The following CPED1 variants were observed in gnomAD, a reference collection of about 807,000 sequenced individuals.
CPED1 encodes cadherin-like and PC-esterase domain-containing protein 1.
Under a neutral mutation model 128.2 loss-of-function variants are expected in CPED1, and 114 were observed. The observed-to-expected ratio is 0.89, with a 90% CI of 0.76 to 1.04. CPED1 has a LOEUF of 1.04. CPED1 is among the 50% of genes least tolerant of loss of function. CPED1 has a pLI of 0.00. For missense variants in CPED1, 1,211 were observed against 1,207.1 expected, an observed-to-expected ratio of 1.00 and a Z score of -0.05; for synonymous variants, 462 against 426.7, an observed-to-expected ratio of 1.08 and a Z score of -1.02.
intron 17 of CPED1, 35 bp downstream of exon 17, chr7:121,236,866 A>G (rs547776470): frequency 1.7e-6 from 2 of 1,197,870 alleles, no homozygotes; most frequent in African/African-American, 1.5e-5. Flanking sequence ...TCTCTAAAAA[A>G]AGAATAATTT....
intron 16 of CPED1, among the ~76,000 whole-genome samples, chr7:121,232,204 G>GA (rs934598511): frequency 2.0e-5 from 3 of 152,034 alleles, no homozygotes; most frequent in Non-Finnish European, 4.4e-5. Context: ...CGCAGGGCAA[G>GA]TTTTTTTTCC....
At chr7:121,201,296 G>T (rs1047545665) in intron 16 of CPED1, among the ~76,000 whole-genome samples, 1 of 152,098 alleles carries the variant, frequency 6.6e-6, no homozygotes, top group African/African-American at 2.4e-5. Flanking sequence ...GCCTGGCTTG[G>T]TGGCACACAC....
At chr7:121,240,552 A>G (rs113310673) in intron 17 of CPED1, among the ~76,000 whole-genome samples, 3 of 152,060 alleles carry the variant, frequency 2.0e-5, no homozygotes, top group African/African-American at 4.8e-5. Context: ...CATTATAACA[A>G]TCAGTTTGTG....
chr7:121,031,868 T>C (rs1359639228), intron 3 of CPED1, among the ~76,000 whole-genome samples: 1 of 152,136 alleles, frequency 6.6e-6, no homozygotes, highest in Non-Finnish European at 1.5e-5. Flanking sequence ...GAAAAGCAAA[T>C]TTAAATGACA....
At chr7:121,086,284 G>T (rs1386614965) in intron 5 of CPED1, among the ~76,000 whole-genome samples, 2 of 152,108 alleles carry the variant, frequency 1.3e-5, no homozygotes, top group Non-Finnish European at 2.9e-5. Context: ...CCAATTACGT[G>T]ATTTATTGGT....
At chr7:121,123,185 A>G (rs1467788013) in intron 7 of CPED1, among the ~76,000 whole-genome samples, 2 of 152,172 alleles carry the variant, frequency 1.3e-5, no homozygotes, top group Non-Finnish European at 2.9e-5. Context: ...AATACTAATG[A>G]CGCATTCTTA....
At chr7:121,265,518 A>G (rs1792104709) in intron 18 of CPED1, among the ~76,000 whole-genome samples, 1 of 152,126 alleles carries the variant, frequency 6.6e-6, no homozygotes, top group Non-Finnish European at 1.5e-5. Context: ...CACAAATGAG[A>G]TAGCCAGAAC....
chr7:121,114,533 G>A (rs957045753), intron 7 of CPED1, among the ~76,000 whole-genome samples: 6 of 152,216 alleles, frequency 3.9e-5, no homozygotes, highest in African/African-American at 1.4e-4. Flanking sequence ...AAACATTTCA[G>A]ATGAATTAAA....
chr7:120,991,608 C>G (rs916684967), intron 2 of CPED1, among the ~76,000 whole-genome samples: 2 of 152,254 alleles, frequency 1.3e-5, no homozygotes, highest in Non-Finnish European at 2.9e-5. Flanking sequence ...CTGTGTGATT[C>G]CTACTTTGTT....
chr7:121,129,976 C>A, intron 11 of CPED1, 149 bp from the exon 12 acceptor site: 1 of 600,392 alleles, frequency 1.7e-6, no homozygotes, highest in Non-Finnish European at 2.7e-6. Context: ...ACATCAACAA[C>A]TTTGCAGAAA....
intron 3 of CPED1, among the ~76,000 whole-genome samples, chr7:121,041,005 A>T (rs1025222035): frequency 6.6e-6 from 1 of 152,108 alleles, no homozygotes; most frequent in Non-Finnish European, 1.5e-5. Context: ...ATTTGTTTGT[A>T]TAATTTAAGC....
intron 16 of CPED1, among the ~76,000 whole-genome samples, chr7:121,156,477 T>TATTTTCAATGGAA (rs1796283468): frequency 6.6e-6 from 1 of 152,126 alleles, no homozygotes; most frequent in Admixed American, 6.6e-5. Context: ...AAACATGGTA[T>TATTTTCAATGGAA]TATACACAAT....
rs180974680 is a variant in CPED1, at chr7:121,153,815, A to G, written c.2055+11674A>G. On this transcript the variant is annotated intron_variant, in intron 16 of 22. Coordinates refer to ENST00000310396, the MANE Select transcript of CPED1 (RefSeq NM_024913.5). ...GGATTTTAAAAAATAAATATATTGA[A>G]AAATTTTTTGAAGATTTTCTGACAA... is the stretch of plus-strand genomic sequence containing the variant. Among the ~76,000 whole-genome samples, 336 of 152,320 alleles carry G rather than the reference A, an allele frequency of 2.2e-3. 1 individual carries two copies. The highest frequency in any genetic ancestry group is 3.4e-3 in the Middle Eastern group (1 of 294).
At chr7:121,056,967 T>C (rs1297849708) in intron 4 of CPED1, among the ~76,000 whole-genome samples, 1 of 129,350 alleles carries the variant, frequency 7.7e-6, no homozygotes, top group African/African-American at 2.9e-5. Context: ...CAACACATGC[T>C]CTCTATTTTT....
chr7:121,236,247 A>G (rs1270973843), intron 16 of CPED1, among the ~76,000 whole-genome samples: 1 of 152,204 alleles, frequency 6.6e-6, no homozygotes, highest in Non-Finnish European at 1.5e-5. Context: ...TGTTGTAAAT[A>G]TAAGAATGTG....
intron 22 of CPED1, among the ~76,000 whole-genome samples, chr7:121,285,980 G>A (rs75987478): frequency 0.024 from 3,689 of 152,256 alleles, 124 homozygotes; most frequent in South Asian, 0.13. Context: ...GGACATACCT[G>A]AGACTGGGTA....
intron 7 of CPED1, among the ~76,000 whole-genome samples, chr7:121,121,571 A>G (rs567300042): frequency 5.8e-4 from 88 of 152,352 alleles, no homozygotes; most frequent in African/African-American, 2.1e-3. Context: ...TATTGCCAAT[A>G]TACTGATTTC....
chr7:121,043,981 C>T (rs936067738), intron 3 of CPED1, among the ~76,000 whole-genome samples: 2 of 152,098 alleles, frequency 1.3e-5, no homozygotes, highest in Non-Finnish European at 2.9e-5. Flanking sequence ...AAATTTGGCT[C>T]CAAAGCCCCG....
At chr7:121,082,067 A>T (rs1794308578) in intron 5 of CPED1, among the ~76,000 whole-genome samples, 1 of 152,200 alleles carries the variant, frequency 6.6e-6, no homozygotes, top group African/African-American at 2.4e-5. Context: ...GAAATCAGGA[A>T]TCCTATGGCC....
Sources: allele counts gnomAD v4.1 joint callset (sites outside exome capture counted in the v4.1 genomes callset), GRCh38; gene constraint gnomAD v4.1.1; transcripts MANE v1.5; gene names NCBI Gene and HGNC (gene_info 2026-07-23, HGNC 2026-07-21).